The following L3MBTL4 variants were observed in gnomAD, a reference collection of about 807,000 sequenced individuals.
L3MBTL4 encodes the protein lethal(3)malignant brain tumor-like protein 4.
In L3MBTL4, 70 loss-of-function variants were observed where a neutral mutation model predicts 84.5. The ratio of observed to expected loss-of-function variants is 0.83; its 90% CI spans 0.68 to 1.01. The LOEUF (loss-of-function observed/expected upper bound fraction) is 1.01, where lower values mean the gene tolerates loss of function less well. Ranked by LOEUF, L3MBTL4 falls within the 50% of genes least tolerant of loss-of-function variation. The pLI is 0.00. For missense variants in L3MBTL4, 715 were observed against 754.8 expected (o/e 0.95, Z 0.62); for synonymous variants, 274 against 259.8 (o/e 1.05, Z -0.52).
intron 13 of L3MBTL4, among the ~76,000 whole-genome samples, chr18:6,169,692 G>T: frequency 7.9e-6 from 1 of 127,276 alleles, no homozygotes; most frequent in East Asian, 2.8e-4. Context: ...GGTGGGGGGA[G>T]GGGGAGGGAT....
chr18:6,037,987 G>A (rs1011257392), intron 16 of L3MBTL4, among the ~76,000 whole-genome samples: 2 of 152,158 alleles, frequency 1.3e-5, no homozygotes, highest in Admixed American at 6.5e-5. Context: ...AGAGGATAAC[G>A]GGGTGAAATA....
chr18:6,407,804 T>C (rs1369899969), intron 1 of L3MBTL4, among the ~76,000 whole-genome samples: 1 of 152,184 alleles, frequency 6.6e-6, no homozygotes, highest in Non-Finnish European at 1.5e-5. Context: ...CAACAAGCCC[T>C]TACTCCACCC....
chr18:6,220,822 A>G (rs1285923312), intron 10 of L3MBTL4, among the ~76,000 whole-genome samples: 1 of 152,172 alleles, frequency 6.6e-6, no homozygotes, highest in African/African-American at 2.4e-5. Context: ...AAATGATACC[A>G]GTCTAGCCCC....
chr18:6,282,504 G>A (rs560380602), intron 4 of L3MBTL4, among the ~76,000 whole-genome samples: 11 of 152,094 alleles, frequency 7.2e-5, no homozygotes, highest in East Asian at 5.8e-4. Context: ...AGGGTTCCAC[G>A]GCAGGACCTC....
intron 14 of L3MBTL4, among the ~76,000 whole-genome samples, chr18:6,119,306 G>A (rs1342319093): frequency 6.6e-6 from 1 of 152,130 alleles, no homozygotes; most frequent in Non-Finnish European, 1.5e-5. Context: ...AAGGAACCAT[G>A]AAAATGCAAA....
At chr18:6,305,836 CTAAT>C (rs1346798014) in intron 3 of L3MBTL4, among the ~76,000 whole-genome samples, 1 of 152,198 alleles carries the variant, frequency 6.6e-6, no homozygotes, top group Non-Finnish European at 1.5e-5. Flanking sequence ...GTGACGTTTT[CTAAT>C]TAATTAGTGT....
chr18:6,171,592 G>C (rs565977061), intron 13 of L3MBTL4, among the ~76,000 whole-genome samples: 3 of 152,140 alleles, frequency 2.0e-5, no homozygotes, highest in East Asian at 1.9e-4. Flanking sequence ...AGAAAATAAA[G>C]ATTCCTTTGG....
rs150982136 is a variant in L3MBTL4 at position 6,376,283 on chromosome 18, A to T, written c.-91+38518T>A. Among the ~76,000 whole-genome samples the T allele has an allele frequency of 4.7e-3, 718 of 151,568 alleles. 4 individuals are homozygous for T. The highest frequency in any genetic ancestry group is 0.016 in the African/African-American group (678 of 41,262). On this transcript the variant is annotated intron_variant, in intron 1 of 18. Transcript: ENST00000317931. ...TAATGTAGGTCCCACTTCAAACATC[A>T]CCTCCTCCTGTCAGTCGTGAAAATT...
intron 16 of L3MBTL4, among the ~76,000 whole-genome samples, chr18:6,022,977 T>C (rs958675608): frequency 2.0e-5 from 3 of 152,154 alleles, no homozygotes; most frequent in African/African-American, 4.8e-5. Flanking sequence ...GTAAATTTCT[T>C]AATCCCATTA....
chr18:6,044,852 CA>C (rs1474496399), intron 16 of L3MBTL4, among the ~76,000 whole-genome samples: 1 of 152,118 alleles, frequency 6.6e-6, no homozygotes, highest in African/African-American at 2.4e-5. Context: ...ATTTTGCTTT[CA>C]AATAACTAAG....
chr18:6,175,025 G>T (rs987974962), intron 12 of L3MBTL4, among the ~76,000 whole-genome samples: 1 of 151,892 alleles, frequency 6.6e-6, no homozygotes, highest in African/African-American at 2.4e-5. Context: ...AAAGGATAAT[G>T]GTTAAAACAA....
intron 16 of L3MBTL4, among the ~76,000 whole-genome samples, chr18:6,068,964 A>T (rs948056848): frequency 6.6e-6 from 1 of 152,162 alleles, no homozygotes; most frequent in Admixed American, 6.5e-5. Context: ...GACCACAGTG[A>T]TTGTTAGTGC....
chr18:6,322,456 T>TGGAA (rs199942673), intron 1 of L3MBTL4, among the ~76,000 whole-genome samples: 25,089 of 102,232 alleles, frequency 0.25, 3,112 homozygotes, highest in Non-Finnish European at 0.26. Context: ...GAAGGAAGGA[T>TGGAA]GGAAGGAAGG....
At chr18:6,267,177 G>C (rs1264839564) in intron 4 of L3MBTL4, among the ~76,000 whole-genome samples, 1 of 152,108 alleles carries the variant, frequency 6.6e-6, no homozygotes, top group African/African-American at 2.4e-5. Flanking sequence ...TCAATTTATA[G>C]CTAAAAATTA....
At chr18:6,071,772 AG>A (rs1395277836) in intron 16 of L3MBTL4, among the ~76,000 whole-genome samples, 10 of 107,558 alleles carry the variant, frequency 9.3e-5, no homozygotes, top group African/African-American at 2.0e-4. Context: ...AAAGAAAGAA[AG>A]AAAGAAAGAA....
chr18:6,118,171 ACT>A (rs144219677), intron 14 of L3MBTL4, among the ~76,000 whole-genome samples: 129 of 138,836 alleles, frequency 9.3e-4, no homozygotes, highest in Middle Eastern at 3.6e-3. Flanking sequence ...ATGCAAACTC[ACT>A]CTCTCTCTCT....
At chr18:6,204,910 A>C (rs2145700386) in intron 12 of L3MBTL4, among the ~76,000 whole-genome samples, 1 of 152,346 alleles carries the variant, frequency 6.6e-6, no homozygotes, top group African/African-American at 2.4e-5. Context: ...AGTGTTCAGT[A>C]AAGGAAAGCT....
chr18:6,199,153 A>T (rs1453405384), intron 12 of L3MBTL4, among the ~76,000 whole-genome samples: 6 of 152,210 alleles, frequency 3.9e-5, no homozygotes, highest in Non-Finnish European at 8.8e-5. Flanking sequence ...TGAATAAACT[A>T]TGGCTAACCC....
chr18:6,214,048 C>T (rs911802382), intron 11 of L3MBTL4, among the ~76,000 whole-genome samples: 12 of 152,144 alleles, frequency 7.9e-5, no homozygotes, highest in African/African-American at 2.9e-4. Context: ...CTTTATAAAT[C>T]TAAAATATGC....
Sources: allele counts gnomAD v4.1 joint callset (sites outside exome capture counted in the v4.1 genomes callset), GRCh38; gene constraint gnomAD v4.1.1; transcripts MANE v1.5; gene names NCBI Gene and HGNC (gene_info 2026-07-23, HGNC 2026-07-21).